The following UBE2G1 variants were observed in gnomAD, a reference collection of about 807,000 sequenced individuals.
The protein encoded by UBE2G1 is ubiquitin conjugating enzyme E2 G1.
A neutral mutation model predicts 22.7 loss-of-function variants in UBE2G1; 5 were observed. The ratio of observed to expected loss-of-function variants is 0.22; its 90% CI spans 0.12 to 0.46. The LOEUF (loss-of-function observed/expected upper bound fraction) is 0.46, where lower values mean the gene tolerates loss of function less well. UBE2G1 is among the 20% of genes least tolerant of loss of function. The pLI is 0.99. For missense variants in UBE2G1, 88 were observed against 203.9 expected, an observed-to-expected ratio of 0.43 and a Z score of 3.46; for synonymous variants, 74 against 67.5, an observed-to-expected ratio of 1.10 and a Z score of -0.47.
At chr17:4,279,217 G>A (rs190177656) in intron 5 of UBE2G1, among the ~76,000 whole-genome samples, 7 of 151,030 alleles carry the variant, frequency 4.6e-5, no homozygotes, top group African/African-American at 1.7e-4. Context: ...GGAGGTTGCA[G>A]TGAGCTGAGA....
intron 5 of UBE2G1, among the ~76,000 whole-genome samples, chr17:4,278,427 G>C (rs1310321157): frequency 1.4e-5 from 2 of 146,734 alleles, no homozygotes; most frequent in African/African-American, 5.1e-5. Flanking sequence ...CACAGCTGAT[G>C]AACTTAAAAA....
rs530833475 is a variant in UBE2G1, at chr17:4,349,192, T to C, written c.46+17079A>G. ...AAAATTAGCCAGATGTCGTGGCGCATGCGTGTAGTCCCAGCTACTCAGGAT... is the reference window on the plus strand; with the variant it reads ...AAAATTAGCCAGATGTCGTGGCGCACGCGTGTAGTCCCAGCTACTCAGGAT... On this transcript the variant is annotated intron_variant, in intron 1 of 5. Transcript: ENST00000396981. Among the ~76,000 whole-genome samples the C allele has an allele frequency of 1.4e-4, 21 of 152,146 alleles. 1 individual carries two copies. In the Middle Eastern group the frequency reaches 0.014, roughly 99 times the overall value.
chr17:4,281,383 C>T (rs1034320237), intron 5 of UBE2G1, among the ~76,000 whole-genome samples: 3 of 152,032 alleles, frequency 2.0e-5, no homozygotes, highest in Non-Finnish European at 4.4e-5. Context: ...CAATAGTAAA[C>T]CCAGAGTTAG....
intron 1 of UBE2G1, among the ~76,000 whole-genome samples, chr17:4,359,785 G>T (rs1969945848): frequency 6.7e-6 from 1 of 150,262 alleles, no homozygotes; most frequent in Non-Finnish European, 1.5e-5. Context: ...CCGGGAGGCA[G>T]AGGCTGCAGT....
At chr17:4,302,100 T>C in intron 2 of UBE2G1, 1 of 525,086 alleles carries the variant, frequency 1.9e-6, no homozygotes, top group Non-Finnish European at 3.9e-6. Context: ...CTTACCCCTG[T>C]GGCTCATATT....
intron 1 of UBE2G1, among the ~76,000 whole-genome samples, chr17:4,354,778 T>A (rs142704436): frequency 4.6e-5 from 7 of 151,218 alleles, no homozygotes; most frequent in Non-Finnish European, 7.4e-5. Flanking sequence ...CAAAAAAAAA[T>A]TTTTTTTAAT....
At chr17:4,311,205 C>A (rs1338205082) in intron 1 of UBE2G1, among the ~76,000 whole-genome samples, 1 of 152,074 alleles carries the variant, frequency 6.6e-6, no homozygotes, top group Non-Finnish European at 1.5e-5. Context: ...CCAGCCTGGG[C>A]AACAGAGCCA....
chr17:4,294,352 G>A (rs1308660543), intron 3 of UBE2G1, among the ~76,000 whole-genome samples: 3 of 148,710 alleles, frequency 2.0e-5, no homozygotes, highest in Non-Finnish European at 4.4e-5. Context: ...GGAGGCAGAG[G>A]TTGCAGTGAG....
At chr17:4,357,422 G>A (rs573665356) in intron 1 of UBE2G1, among the ~76,000 whole-genome samples, 84 of 146,912 alleles carry the variant, frequency 5.7e-4, no homozygotes, top group Non-Finnish European at 6.8e-4. Context: ...GGCATCCCCT[G>A]GAGGTCTTGG....
At chr17:4,330,801 C>T (rs947319428) in intron 1 of UBE2G1, among the ~76,000 whole-genome samples, 4 of 151,358 alleles carry the variant, frequency 2.6e-5, no homozygotes, top group African/African-American at 9.7e-5. Context: ...ACCATGTTGG[C>T]CAGGCTGGTT....
At chr17:4,286,935 C>T (rs1002078246) in intron 4 of UBE2G1, among the ~76,000 whole-genome samples, 3 of 152,048 alleles carry the variant, frequency 2.0e-5, no homozygotes, top group Admixed American at 6.6e-5. Context: ...ATACCAGCTA[C>T]TTGGGAGGCT....
chr17:4,284,655 A>G (rs758429292), intron 4 of UBE2G1, among the ~76,000 whole-genome samples: 9 of 151,762 alleles, frequency 5.9e-5, no homozygotes, highest in Non-Finnish European at 1.2e-4. Context: ...TTGGTGCCAA[A>G]AACAATTACT....
chr17:4,361,766 C>T (rs1969970302), intron 1 of UBE2G1, among the ~76,000 whole-genome samples: 1 of 151,698 alleles, frequency 6.6e-6, no homozygotes, highest in Non-Finnish European at 1.5e-5. Context: ...TGGCAAAAAC[C>T]CTGTCTCTAC....
chr17:4,335,413 G>A (rs1969634169), intron 1 of UBE2G1: 5 of 152,174 alleles, frequency 3.3e-5, no homozygotes, highest in Admixed American at 2.6e-4. Context: ...TGTCTGCTGG[G>A]TATTAAGAGA....
At chr17:4,348,974 G>A (rs1969813368) in intron 1 of UBE2G1, among the ~76,000 whole-genome samples, 1 of 150,958 alleles carries the variant, frequency 6.6e-6, no homozygotes, top group African/African-American at 2.4e-5. Context: ...AGATCACGAG[G>A]TCAAGAGTTC....
Position 4,284,198 on chromosome 17 carries a change from T to C in UBE2G1, c.427-1277A>G, listed in dbSNP as rs1293014428. Among the ~76,000 whole-genome samples the C allele has an allele frequency of 2.0e-5, 3 of 148,344 alleles. No individual in the cohort carries two copies. In the East Asian group the frequency reaches 6.1e-4, roughly 30 times the overall value. On this transcript the variant is annotated intron_variant, in intron 4 of 5. Transcript: ENST00000396981. ...AAGAGGGCCTGAAAATAGAGATTAA[T>C]TGAAAGTCTGTATACTCAACATTTT... is the stretch of plus-strand genomic sequence containing the variant.
rs756162802 is a variant in UBE2G1, at chr17:4,271,735, T to C, written c.*819A>G. On this transcript the variant is annotated 3_prime_UTR_variant, in exon 6 of 6. Coordinates refer to ENST00000396981, the MANE Select transcript of UBE2G1 (RefSeq NM_003342.5). ...TCAGATTTGCTATTGTTTGGGGAAA[T>C]TTTCAGTAAGTTGAATTAAGAACCA... The C allele has an allele frequency of 3.4e-5, 5 of 148,836 alleles. No homozygotes were observed. The highest frequency in any genetic ancestry group is 7.4e-5 in the Non-Finnish European group (5 of 67,392). The allele number at this position is 148,836 out of a possible 1,614,324, so 9.2% of individuals were successfully genotyped here.
intron 1 of UBE2G1, among the ~76,000 whole-genome samples, chr17:4,342,573 C>T (rs577163094): frequency 2.6e-5 from 4 of 152,302 alleles, no homozygotes; most frequent in Middle Eastern, 6.8e-3. Context: ...AAATCGAGAT[C>T]CTGCCTCAAA....
At chr17:4,343,641 T>C (rs1029081657) in intron 1 of UBE2G1, among the ~76,000 whole-genome samples, 5 of 151,504 alleles carry the variant, frequency 3.3e-5, no homozygotes, top group Admixed American at 3.3e-4. Context: ...CAGGCTGGAG[T>C]GTGGTGGCGC....
Sources: allele counts gnomAD v4.1 joint callset (sites outside exome capture counted in the v4.1 genomes callset), GRCh38; gene constraint gnomAD v4.1.1; transcripts MANE v1.5; gene names NCBI Gene and HGNC (gene_info 2026-07-23, HGNC 2026-07-21).